Variants in PCDH10 observed in about 807,000 individuals in gnomAD.
PCDH10 encodes the protein protocadherin-10.
A neutral mutation model predicts 74.4 loss-of-function variants in PCDH10; 15 were observed. That is an observed-to-expected ratio of 0.20 (90% CI 0.13 to 0.31). PCDH10 has a LOEUF of 0.31. Ranked by LOEUF, PCDH10 falls within the 10% of genes least tolerant of loss-of-function variation. PCDH10 has a pLI of 1.00. For missense variants in PCDH10, 1,260 were observed against 1,390.2 expected, an observed-to-expected ratio of 0.91 and a Z score of 1.49; for synonymous variants, 619 against 589.8, an observed-to-expected ratio of 1.05 and a Z score of -0.72.
At chr4:133,170,360 C>T (rs1331232524) in intron 4 of PCDH10, among the ~76,000 whole-genome samples, 1 of 151,914 alleles carries the variant, frequency 6.6e-6, no homozygotes, top group African/African-American at 2.4e-5. Context: ...TATATATATA[C>T]ACTGTTACAC....
Position 133,152,046 on chromosome 4 carries a change from G to C in PCDH10, c.1906G>C (p.Gly636Arg). The part of the protein sequence containing the change: ...MNLFRMDWRT[G>R]ELRTARRVPA... ...CCTCTTTCGCATGGACTGGCGCACCGGGGAGCTGCGCACAGCACGCCGAGT... is the reference window on the plus strand; with the variant it reads ...CCTCTTTCGCATGGACTGGCGCACCCGGGAGCTGCGCACAGCACGCCGAGT... The change falls in exon 1 of 5, where the codon GGG becomes CGG. Residue 636 changes from glycine to arginine, a missense_variant. Gly to Arg is a moderately radical substitution (Grantham distance 125). Coordinates refer to ENST00000264360, the MANE Select transcript of PCDH10 (RefSeq NM_032961.3). 1 of 1,610,966 alleles carries C rather than the reference G, an allele frequency of 6.2e-7. No homozygotes were observed. Among genetic ancestry groups the C allele is most frequent in the Non-Finnish European group, 8.5e-7 (1 of 1,178,850 alleles).
Position 133,152,148 on chromosome 4 carries a change from T to A in PCDH10, c.2008T>A (p.Ser670Thr). The A allele has an allele frequency of 6.4e-7, 1 of 1,565,126 alleles. No homozygotes were observed. The highest frequency in any genetic ancestry group is 8.6e-7 in the Non-Finnish European group (1 of 1,156,478). ...CGACCATGGGCAGCCGCCCCTTTCCTCCACCGCCACCCTGGTGGTTCAGCT... is the reference window on the plus strand; with the variant it reads ...CGACCATGGGCAGCCGCCCCTTTCCACCACCGCCACCCTGGTGGTTCAGCT... Reference protein sequence around the residue: ...VRDHGQPPLSSTATLVVQLVD... With the variant: ...VRDHGQPPLSTTATLVVQLVD... The change falls in exon 1 of 5, where the codon TCC becomes ACC. Residue 670 changes from serine (S) to threonine (T), a missense_variant. Ser to Thr is a moderately conservative substitution (Grantham distance 58). This residue lies in a region of PCDH10 where 587 missense variants were observed against 616.9 expected (regional missense o/e 0.95). Coordinates refer to ENST00000264360, the MANE Select transcript of PCDH10 (RefSeq NM_032961.3).
chr4:133,205,298 G>A (rs1452066869), intron 2 of PCDH10, among the ~76,000 whole-genome samples: 2 of 152,176 alleles, frequency 1.3e-5, no homozygotes, highest in African/African-American at 2.4e-5. Context: ...TAAGGACTTG[G>A]TCAGGCTTGA....
At chr4:133,171,507 A>G (rs887943732) in intron 4 of PCDH10, among the ~76,000 whole-genome samples, 1 of 152,130 alleles carries the variant, frequency 6.6e-6, no homozygotes, top group Non-Finnish European at 1.5e-5. Context: ...AACAAAACAT[A>G]TGGGTTTGTT....
intron 4 of PCDH10, among the ~76,000 whole-genome samples, chr4:133,189,197 G>A (rs986480097): frequency 6.6e-6 from 1 of 151,982 alleles, no homozygotes; most frequent in Non-Finnish European, 1.5e-5. Context: ...TAATTGTTTT[G>A]CTATTTAATG....
rs935266378 is a variant in PCDH10, at chr4:133,192,554, C to A, written c.*2394C>A. 7 of 151,466 alleles carry A rather than the reference C, an allele frequency of 4.6e-5. No homozygotes were observed. Among genetic ancestry groups the A allele is most frequent in the Non-Finnish European group, 1.0e-4 (7 of 67,582 alleles). The allele number at this position is 151,466 out of a possible 1,614,324, so 9.4% of individuals were successfully genotyped here. A position where few individuals can be genotyped will look rare whatever the true frequency, so the allele number is the denominator to read the frequency against. ...TTGTATATAATCTCCTTTGAACCAA[C>A]TTTTTTATTATATATTTGTGTATTA... On this transcript the variant is annotated 3_prime_UTR_variant, in exon 5 of 5. Transcript: ENST00000264360.
chr4:133,174,248 A>G (rs946411257), intron 4 of PCDH10, among the ~76,000 whole-genome samples: 1 of 151,956 alleles, frequency 6.6e-6, no homozygotes, highest in African/African-American at 2.4e-5. Context: ...TTTCTTCATC[A>G]CTTTGGAAGA....
At chr4:133,195,026 T>C (rs995060154), downstream of PCDH10, among the ~76,000 whole-genome samples, 1 of 152,056 alleles carries the variant, frequency 6.6e-6, no homozygotes, top group South Asian at 2.1e-4. Context: ...ATTTTATCTA[T>C]AACTTTAGAA....
At chr4:133,197,072 T>TTTC (rs1246062621), downstream of PCDH10, among the ~76,000 whole-genome samples, 1 of 152,154 alleles carries the variant, frequency 6.6e-6, no homozygotes, top group African/African-American at 2.4e-5. Flanking sequence ...TCTCCATTTA[T>TTTC]CAGTGGTATG....
rs1303498255 is a variant in PCDH10 at position 133,194,296 on chromosome 4, T to G, written c.*4136T>G. 3 of 151,912 alleles carry G rather than the reference T, an allele frequency of 2.0e-5. No homozygotes were observed. The highest frequency in any genetic ancestry group is 6.6e-5 in the Admixed American group (1 of 15,216). The allele number at this position is 151,912 out of a possible 1,614,324, so 9.4% of individuals were successfully genotyped here. A position where few individuals can be genotyped will look rare whatever the true frequency, so the allele number is the denominator to read the frequency against. ...GATGTTTTTGAGTTGCATAAAAATC[T>G]TGCATTCATCATTCAAAAAATACTA... On this transcript the variant is annotated 3_prime_UTR_variant, in exon 5 of 5. Coordinates refer to ENST00000264360, the MANE Select transcript of PCDH10 (RefSeq NM_032961.3).
At chr4:133,158,412 G>C (rs889160869) in intron 3 of PCDH10, among the ~76,000 whole-genome samples, 2 of 151,906 alleles carry the variant, frequency 1.3e-5, no homozygotes, top group African/African-American at 4.8e-5. Context: ...ATGTTGAAGA[G>C]ATAATCCTAA....
intron 4 of PCDH10, among the ~76,000 whole-genome samples, chr4:133,167,454 A>G (rs1348414976): frequency 6.6e-6 from 1 of 151,502 alleles, no homozygotes; most frequent in Non-Finnish European, 1.5e-5. Context: ...GTACCTCTGT[A>G]TAGTGTTTTC....
intron 2 of PCDH10, among the ~76,000 whole-genome samples, chr4:133,201,890 G>C (rs1014092029): frequency 6.7e-6 from 1 of 148,700 alleles, no homozygotes; most frequent in Non-Finnish European, 1.5e-5. Context: ...AATTGTGCTT[G>C]GGGATCCCTA....
At chr4:133,171,065 G>T (rs990273471) in intron 4 of PCDH10, among the ~76,000 whole-genome samples, 1 of 151,788 alleles carries the variant, frequency 6.6e-6, no homozygotes, top group Non-Finnish European at 1.5e-5. Context: ...GATGAAACAG[G>T]TTTCTGGTTC....
chr4:133,195,915 A>G (rs1230817506), downstream of PCDH10, among the ~76,000 whole-genome samples: 4 of 152,138 alleles, frequency 2.6e-5, no homozygotes, highest in East Asian at 1.9e-4. Context: ...GCACTGCACC[A>G]TATGATCTGT....
chr4:133,156,125 G>C (rs1198619160), intron 3 of PCDH10, among the ~76,000 whole-genome samples: 1 of 152,052 alleles, frequency 6.6e-6, no homozygotes, highest in Non-Finnish European at 1.5e-5. Flanking sequence ...ATTAGTCCTC[G>C]AGAGCACCCA....
chr4:133,180,942 T>C (rs921598093), intron 4 of PCDH10, among the ~76,000 whole-genome samples: 9 of 151,786 alleles, frequency 5.9e-5, no homozygotes, highest in African/African-American at 2.2e-4. Flanking sequence ...AAGCTAAGTT[T>C]AATTCATTGC....
intron 4 of PCDH10, among the ~76,000 whole-genome samples, chr4:133,169,084 A>T (rs905863447): frequency 6.6e-6 from 1 of 151,688 alleles, no homozygotes; most frequent in Non-Finnish European, 1.5e-5. Context: ...GCAGAGTTAA[A>T]TTGTTTCATA....
intron 2 of PCDH10, among the ~76,000 whole-genome samples, chr4:133,204,813 G>A (rs1727970057): frequency 1.3e-5 from 2 of 152,126 alleles, no homozygotes; most frequent in African/African-American, 4.8e-5. Context: ...ATCTGCAACT[G>A]GACACTGGAC....
Sources: gnomAD v4.1 joint callset for allele counts (sites outside exome capture counted in the v4.1 genomes callset) on GRCh38, gnomAD v4.1.1 for gene constraint, gnomAD v4.1.1 regional missense constraint, MANE v1.5 for transcripts, NCBI Gene and HGNC (gene_info 2026-07-23, HGNC 2026-07-21) for gene names.